The following SLC38A12 variants were observed in gnomAD, a reference collection of about 807,000 sequenced individuals.
SLC38A12 encodes the protein solute carrier family 38 member 12.
chr17:74,781,406 T>G, the SLC38A12 span, among the ~76,000 whole-genome samples: 1 of 152,130 alleles, frequency 6.6e-6, no homozygotes, highest in Non-Finnish European at 1.5e-5. Context: ...CATCTCAGTC[T>G]TCCAAGTAGC....
chr17:74,826,344 A>G, the SLC38A12 span, among the ~76,000 whole-genome samples: 1 of 152,178 alleles, frequency 6.6e-6, no homozygotes, highest in East Asian at 1.9e-4. Context: ...CTCTGCTCTC[A>G]GTCCTTTGGG....
chr17:74,777,450 A>T, the SLC38A12 span: 1 of 1,605,508 alleles, frequency 6.2e-7, no homozygotes, highest in South Asian at 1.1e-5. Context: ...CTTGCTGGAG[A>T]TGGGACTAGT....
At chr17:74,785,757 G>A in the SLC38A12 span, 1 of 1,114,528 alleles carries the variant, frequency 9.0e-7, no homozygotes, top group Non-Finnish European at 1.2e-6. Context: ...ATTCAGAGAG[G>A]GGAAAGTGGT....
chr17:74,832,868 G>A, the SLC38A12 span, among the ~76,000 whole-genome samples: 192 of 152,402 alleles, frequency 1.3e-3, 3 homozygotes, highest in African/African-American at 4.5e-3. Context: ...CACGAAGGTA[G>A]ACTTGGTTTT....
the SLC38A12 span, among the ~76,000 whole-genome samples, chr17:74,777,974 C>T: frequency 2.0e-5 from 3 of 152,230 alleles, no homozygotes; most frequent in Non-Finnish European, 4.4e-5. Context: ...TGCTGCCCTT[C>T]AGATGAACAG....
At chr17:74,817,408 C>T in the SLC38A12 span, among the ~76,000 whole-genome samples, 1 of 152,172 alleles carries the variant, frequency 6.6e-6, no homozygotes, top group African/African-American at 2.4e-5. Flanking sequence ...CCAGAAGAGT[C>T]CTTCATTGCC....
the SLC38A12 span, chr17:74,776,554 G>C: frequency 6.6e-6 from 1 of 152,246 alleles, no homozygotes; most frequent in Non-Finnish European, 1.5e-5. Flanking sequence ...GGAGACGGCG[G>C]CTTGGGAGCT....
the SLC38A12 span, chr17:74,835,934 C>T: frequency 3.8e-6 from 6 of 1,599,406 alleles, no homozygotes; most frequent in African/African-American, 1.3e-5. Flanking sequence ...CAGCTTTCGC[C>T]GTCATGATTG....
At chr17:74,799,926 C>T in the SLC38A12 span, among the ~76,000 whole-genome samples, 7 of 152,366 alleles carry the variant, frequency 4.6e-5, no homozygotes, top group South Asian at 4.1e-4. Flanking sequence ...GTGAGTGCCC[C>T]GCCCTCCCAC....
At chr17:74,818,536 A>G in the SLC38A12 span, among the ~76,000 whole-genome samples, 5 of 138,966 alleles carry the variant, frequency 3.6e-5, no homozygotes, top group East Asian at 2.4e-4. Flanking sequence ...GGGGGGCGGG[A>G]CAGGCTCAGC....
the SLC38A12 span, chr17:74,836,376 G>T: frequency 1.2e-6 from 2 of 1,612,304 alleles, no homozygotes; most frequent in Non-Finnish European, 8.5e-7. The surrounding 1 kb of genome is among the most constrained non-coding windows in gnomAD (Gnocchi z 4.2). Context: ...GTACCCGTGG[G>T]TGGTGGACCG....
the SLC38A12 span, among the ~76,000 whole-genome samples, chr17:74,808,981 G>A: frequency 1.3e-5 from 2 of 152,182 alleles, no homozygotes; most frequent in Admixed American, 1.3e-4. Flanking sequence ...CCCACGCACG[G>A]GCTCCTATGA....
the SLC38A12 span, among the ~76,000 whole-genome samples, chr17:74,809,583 T>C: frequency 1.3e-5 from 2 of 152,200 alleles, no homozygotes; most frequent in African/African-American, 2.4e-5. Flanking sequence ...GCTTCGGTTC[T>C]GTGCGGGAAG....
chr17:74,795,038 A>C, the SLC38A12 span: 2 of 1,613,722 alleles, frequency 1.2e-6, no homozygotes, highest in African/African-American at 2.7e-5. Context: ...CTATTTCTGC[A>C]TCATCGTTTA....
the SLC38A12 span, among the ~76,000 whole-genome samples, chr17:74,789,897 T>TTTC: frequency 7.2e-6 from 1 of 139,332 alleles, no homozygotes; most frequent in South Asian, 2.1e-4. Context: ...TCCTAGGGCT[T>TTTC]TTCTGTAGAG....
At chr17:74,810,193 G>T in the SLC38A12 span, among the ~76,000 whole-genome samples, 1 of 152,214 alleles carries the variant, frequency 6.6e-6, no homozygotes, top group African/African-American at 2.4e-5. Flanking sequence ...AGCAGCCATG[G>T]TTTTTTACTG....
the SLC38A12 span, chr17:74,837,213 C>G: frequency 2.0e-6 from 2 of 985,644 alleles, no homozygotes; most frequent in South Asian, 9.4e-5. Flanking sequence ...CACCCTCCCA[C>G]CAGGCCTGGG....
At chr17:74,824,125 T>C in the SLC38A12 span, among the ~76,000 whole-genome samples, 3,943 of 152,274 alleles carry the variant, frequency 0.026, 165 homozygotes, top group African/African-American at 0.088. Flanking sequence ...TCCACACTGG[T>C]GTCACGGTGA....
At chr17:74,821,785 C>T in the SLC38A12 span, among the ~76,000 whole-genome samples, 1 of 152,228 alleles carries the variant, frequency 6.6e-6, no homozygotes, top group African/African-American at 2.4e-5. Flanking sequence ...CCTGCAGCCA[C>T]ATCTGTAGCC....
Sources: gnomAD v4.1 joint callset for allele counts (sites outside exome capture counted in the v4.1 genomes callset) on GRCh38, gnomAD v4.1.1 for gene constraint, Gnocchi (gnomAD v3.1) non-coding constraint, MANE v1.5 for transcripts, NCBI Gene and HGNC (gene_info 2026-07-23, HGNC 2026-07-21) for gene names.